Variants in FAM118B observed in about 807,000 individuals in gnomAD.
The protein encoded by FAM118B is protein FAM118B.
Under a neutral mutation model 38.5 loss-of-function variants are expected in FAM118B, and 24 were observed. That is an observed-to-expected ratio of 0.62 (90% CI 0.45 to 0.88). FAM118B has a LOEUF of 0.88. Ranked by LOEUF, FAM118B falls within the 40% of genes least tolerant of loss-of-function variation. FAM118B has a pLI of 0.00. For synonymous variants in FAM118B, 138 were observed against 156.3 expected, an observed-to-expected ratio of 0.88 and a Z score of 0.87; for missense variants, 334 against 420.0, an observed-to-expected ratio of 0.80 and a Z score of 1.79.
rs1322973823 is a variant in FAM118B, at chr11:126,250,605, C to CAA, written c.440_441insAA (p.Val149GlnfsTer5). ...GGAAGATTCTGGAAAACAGCTACTT[C>CAA]AGTCAGTTCTCCACCTGATGGAAAA... On this transcript the variant is annotated frameshift_variant, in exon 5 of 9. Transcript: ENST00000533050. LOFTEE classifies it high-confidence loss of function. This position sits in a 1 kb window ranked among gnomAD's most constrained non-coding sequence, Gnocchi z 5.1. 6.2e-7 allele frequency: 1 copy of CAA among 1,613,774 alleles called. No individual in the cohort carries two copies. The highest frequency in any genetic ancestry group is 1.1e-5 in the South Asian group (1 of 91,078).
rs1210643011 is a variant in FAM118B at position 126,262,272 on chromosome 11, A to AG, written c.*145dup. On this transcript the variant is annotated 3_prime_UTR_variant, in exon 9 of 9. Transcript: ENST00000533050. The stretch of plus-strand genomic sequence containing the variant: ...CAGAGGTTGAAGGGCGGGGTAGAAG[A>AG]GGGGGGAATGTTGCAGCGTAATCCT... 4.2e-6 allele frequency: 3 copies of AG among 722,354 alleles called. No homozygotes were observed. The highest frequency in any genetic ancestry group is 6.9e-6 in the Non-Finnish European group (3 of 436,130). 44.7% of individuals were successfully genotyped at this position (722,354 alleles called of 1,614,324 possible).
intron 1 of FAM118B, among the ~76,000 whole-genome samples, chr11:126,228,196 T>G (rs946289703): frequency 2.0e-5 from 3 of 151,482 alleles, no homozygotes; most frequent in Non-Finnish European, 4.4e-5. Context: ...CTAAACATTT[T>G]TTTTTTTGGT....
chr11:126,256,603 C>T lies in FAM118B; in HGVS notation c.733C>T (p.Leu245Phe). 6.2e-7 allele frequency: 1 copy of T among 1,613,982 alleles called. No homozygotes were observed. Among genetic ancestry groups the T allele is most frequent in the Non-Finnish European group, 8.5e-7 (1 of 1,179,986 alleles). ...IQKLYENKSF[L>F]FLGCGWTVDD... ...GAAACTCTACGAAAACAAGTCATTT[C>T]TTTTCCTGGGCTGTGGCTGGACTGT... The change falls in exon 7 of 9, where the codon CTT (leucine) becomes TTT (phenylalanine). Residue 245 changes from leucine (L) to phenylalanine (F), a missense_variant. Leu to Phe is a conservative substitution (Grantham distance 22). Transcript: ENST00000533050. The surrounding 1 kb of genome is among the most constrained non-coding windows in gnomAD (Gnocchi z 6.6).
At chr11:126,248,357 A>ATTT (rs1565336951) in intron 4 of FAM118B, among the ~76,000 whole-genome samples, 5 of 23,738 alleles carry the variant, frequency 2.1e-4, no homozygotes, top group East Asian at 9.7e-4. Context: ...ATAGTAGTTG[A>ATTT]CTTTTTTTTT....
At chr11:126,236,908 T>G (rs1950281163) in intron 3 of FAM118B, among the ~76,000 whole-genome samples, 1 of 146,760 alleles carries the variant, frequency 6.8e-6, no homozygotes, top group African/African-American at 2.5e-5. Flanking sequence ...TGTTTATGTT[T>G]CACAGATGCT....
chr11:126,227,007 G>A (rs1453862954), intron 1 of FAM118B, among the ~76,000 whole-genome samples: 2 of 144,738 alleles, frequency 1.4e-5, no homozygotes, highest in African/African-American at 5.1e-5. Flanking sequence ...ATTAACTATT[G>A]AATGATAAAT....
chr11:126,220,608 A>G (rs1455396667), intron 1 of FAM118B, among the ~76,000 whole-genome samples: 1 of 152,112 alleles, frequency 6.6e-6, no homozygotes, highest in Non-Finnish European at 1.5e-5. Flanking sequence ...CCAGCTGCTT[A>G]GGAGGCTGAG....
At chr11:126,211,730 C>CG (rs959366338), upstream of FAM118B, 18 of 1,431,438 alleles carry the variant, frequency 1.3e-5, no homozygotes, top group Admixed American at 8.2e-5. Flanking sequence ...TCACGTGGTG[C>CG]GGGGTGGGGC....
chr11:126,224,524 A>C, intron 1 of FAM118B, among the ~76,000 whole-genome samples: 1 of 150,936 alleles, frequency 6.6e-6, no homozygotes. Context: ...TCATAGTACT[A>C]ATAATTGGTA....
chr11:126,259,756 T>C (rs184268816), intron 7 of FAM118B, among the ~76,000 whole-genome samples: 9 of 145,412 alleles, frequency 6.2e-5, no homozygotes, highest in African/African-American at 2.1e-4. Flanking sequence ...AGTTTCTCTC[T>C]GTCACCCAGG....
At chr11:126,236,372 T>A (rs1950274472) in intron 3 of FAM118B, among the ~76,000 whole-genome samples, 1 of 152,270 alleles carries the variant, frequency 6.6e-6, no homozygotes, top group Non-Finnish European at 1.5e-5. Context: ...CTCTCATTCA[T>A]ACTCTGCTAA....
At chr11:126,233,271 T>C (rs1164827253) in intron 2 of FAM118B, among the ~76,000 whole-genome samples, 3 of 151,824 alleles carry the variant, frequency 2.0e-5, no homozygotes, top group Non-Finnish European at 4.4e-5. Flanking sequence ...AGGTCAGGAG[T>C]TCGAGACCAG....
rs189570010 is a variant in FAM118B, at chr11:126,232,744, A to G, written c.-7-2251A>G. Among the ~76,000 whole-genome samples, 5 of 151,344 alleles carry G rather than the reference A, an allele frequency of 3.3e-5. No homozygotes were observed. In the East Asian group the frequency reaches 9.6e-4, roughly 29 times the overall value. The stretch of plus-strand genomic sequence containing the variant: ...TTTTAAAAAAATATATTTTTTCCTT[A>G]AAAAAACTTAAAAAAATATATATCC... On this transcript the variant is annotated intron_variant, in intron 2 of 8. Transcript: ENST00000533050.
At chr11:126,229,900 A>G (rs1468250230) in intron 2 of FAM118B, among the ~76,000 whole-genome samples, 1 of 152,178 alleles carries the variant, frequency 6.6e-6, no homozygotes, top group Non-Finnish European at 1.5e-5. Flanking sequence ...AGATGGGGTC[A>G]TTGTTTGCTA....
chr11:126,247,566 T>C (rs1258849664), intron 4 of FAM118B, among the ~76,000 whole-genome samples: 2 of 152,044 alleles, frequency 1.3e-5, no homozygotes, highest in Non-Finnish European at 1.5e-5. Context: ...GGTGTTAAAA[T>C]GTAGTACGTA....
intron 2 of FAM118B, among the ~76,000 whole-genome samples, chr11:126,230,215 G>A (rs1452779728): frequency 3.3e-5 from 5 of 152,150 alleles, no homozygotes; most frequent in Non-Finnish European, 7.3e-5. Context: ...TCTACATATG[G>A]AACTGAATTC....
chr11:126,245,369 CAA>C (rs1276351521), intron 4 of FAM118B: 1 of 152,034 alleles, frequency 6.6e-6, no homozygotes, highest in Non-Finnish European at 1.5e-5. Context: ...TAGGGAGACT[CAA>C]ATTTTTTTTT....
rs936817844 is a variant in FAM118B at position 126,216,922 on chromosome 11, C to T, written c.-77+5092C>T. On this transcript the variant is annotated intron_variant, in intron 1 of 8. Transcript: ENST00000533050. The stretch of plus-strand genomic sequence containing the variant: ...TTTTCCAGCTTAGGCTCACAGGTGG[C>T]TGGAGCCTATGCTGGCAGCTCAGGG... Among the ~76,000 whole-genome samples the T allele has an allele frequency of 5.3e-5, 8 of 152,376 alleles. No individual in the cohort carries two copies. In the East Asian group the frequency reaches 1.5e-3, roughly 29 times the overall value.
intron 4 of FAM118B, 93 bp downstream of exon 4, chr11:126,241,137 A>G (rs1950352221): frequency 2.3e-6 from 3 of 1,289,998 alleles, no homozygotes; most frequent in East Asian, 2.3e-5. Flanking sequence ...TAGCATGCCA[A>G]ATGTAACAGG....
Sources: gnomAD v4.1 joint callset for allele counts (sites outside exome capture counted in the v4.1 genomes callset) on GRCh38, gnomAD v4.1.1 for gene constraint, Gnocchi (gnomAD v3.1) non-coding constraint, MANE v1.5 for transcripts, NCBI Gene and HGNC (gene_info 2026-07-23, HGNC 2026-07-21) for gene names.